NDUFA10: variants seen among roughly 807,000 people sequenced by gnomAD.
NDUFA10 encodes NADH dehydrogenase [ubiquinone] 1 alpha subcomplex subunit 10, mitochondrial.
Under a neutral mutation model 47.8 loss-of-function variants are expected in NDUFA10, and 40 were observed. The observed-to-expected ratio is 0.84, with a 90% CI of 0.65 to 1.09. The LOEUF is 1.09. Ranked by LOEUF, NDUFA10 falls within the 50% of genes least tolerant of loss-of-function variation. The pLI, the probability that NDUFA10 is intolerant of heterozygous loss-of-function variation, is 0.00. For synonymous variants in NDUFA10, 183 were observed against 172.2 expected (o/e 1.06, Z -0.49); for missense variants, 413 against 451.1 (o/e 0.92, Z 0.76).
intron 4 of NDUFA10, among the ~76,000 whole-genome samples, chr2:239,941,452 G>A (rs1252347538): frequency 6.6e-6 from 1 of 152,010 alleles, no homozygotes; most frequent in East Asian, 1.9e-4. Context: ...GTTCAAGGAC[G>A]TGGTGGCTCA....
intron 9 of NDUFA10, among the ~76,000 whole-genome samples, chr2:239,971,186 G>A (rs955150077): frequency 1.1e-4 from 16 of 152,216 alleles, no homozygotes; most frequent in African/African-American, 7.2e-5. Context: ...TTTGGTGAGT[G>A]AATGTGATTA....
chr2:239,898,324 G>C (rs1200949366), intron 4 of NDUFA10, among the ~76,000 whole-genome samples: 3 of 152,240 alleles, frequency 2.0e-5, no homozygotes, highest in African/African-American at 7.2e-5. Context: ...ACAGCACTCA[G>C]GAGGTGCTCA....
chr2:239,965,028 G>A (rs773461103), intron 9 of NDUFA10, among the ~76,000 whole-genome samples: 1 of 152,196 alleles, frequency 6.6e-6, no homozygotes, highest in Non-Finnish European at 1.5e-5. Flanking sequence ...CACAGGACCA[G>A]CCACGCAGGT....
intron 4 of NDUFA10, among the ~76,000 whole-genome samples, chr2:239,921,127 A>G (rs1417958796): frequency 6.6e-6 from 1 of 152,062 alleles, no homozygotes; most frequent in Non-Finnish European, 1.5e-5. Context: ...GCTCGAACCT[A>G]AGGAAACTTT....
At chr2:239,923,930 C>A (rs999640100) in intron 4 of NDUFA10, among the ~76,000 whole-genome samples, 1 of 152,056 alleles carries the variant, frequency 6.6e-6, no homozygotes, top group Non-Finnish European at 1.5e-5. Flanking sequence ...TTACTACAGA[C>A]CCTGCAGCCA....
In NDUFA10 at chr2:239,928,564, G is replaced by A. The variant is rs1476383441; in HGVS notation, c.295-33250C>T. 6.6e-6 allele frequency among the ~76,000 whole-genome samples: 1 copy of A among 152,164 alleles called. No individual in the cohort carries two copies. The highest frequency in any genetic ancestry group is 1.5e-5 in the Non-Finnish European group (1 of 68,040). On this transcript the variant is annotated intron_variant, in intron 4 of 5. Transcript: ENST00000419408. This position sits in a 1 kb window ranked among gnomAD's most constrained non-coding sequence, Gnocchi z 4.3. Reference sequence around the variant, plus strand: ...TGCAGTTCCTGTCTCCCACCCTGGAGCTGTGACAGCGACATCTCGTTTCCA... The same window carrying A: ...TGCAGTTCCTGTCTCCCACCCTGGAACTGTGACAGCGACATCTCGTTTCCA...
Position 239,942,236 on chromosome 2 carries a change from C to T in NDUFA10, c.295-46922G>A, listed in dbSNP as rs186056217. Among the ~76,000 whole-genome samples the T allele has an allele frequency of 3.3e-5, 5 of 152,384 alleles. No individual in the cohort carries two copies. In the East Asian group the frequency reaches 9.6e-4, roughly 29 times the overall value. On this transcript the variant is annotated intron_variant, in intron 4 of 5. Transcript: ENST00000419408. ...GTCTTCAGCCTTTCCTCTAGGGCAGCGGTGTTCACGCGGTAGTGTGCGCTG... is the reference window on the plus strand; with the variant it reads ...GTCTTCAGCCTTTCCTCTAGGGCAGTGGTGTTCACGCGGTAGTGTGCGCTG...
intron 4 of NDUFA10, chr2:240,017,832 C>A: frequency 1.9e-6 from 3 of 1,563,664 alleles, no homozygotes; most frequent in Non-Finnish European, 2.6e-6. Flanking sequence ...GCTTCGGCCT[C>A]CTCTTTCATT....
At chr2:239,923,824 G>T (rs974932678) in intron 4 of NDUFA10, among the ~76,000 whole-genome samples, 9 of 152,016 alleles carry the variant, frequency 5.9e-5, no homozygotes, top group Non-Finnish European at 1.2e-4. Context: ...TTGTTTCCAT[G>T]AAAATATCAA....
In NDUFA10 at chr2:239,911,746, C is replaced by A. The variant is rs539437126; in HGVS notation, c.295-16432G>T. ...CTCCCCTTCCCTCTCTTCCTTCCCC[C>A]AGCCCATCCCCCAGTCTCTCTCTTG... is the stretch of plus-strand genomic sequence containing the variant. On this transcript the variant is annotated intron_variant, in intron 4 of 5. Coordinates refer to the NDUFA10 transcript ENST00000419408. 1.5e-3 allele frequency among the ~76,000 whole-genome samples: 233 copies of A among 150,950 alleles called. 4 individuals carry two copies. The highest frequency in any genetic ancestry group is 5.1e-3 in the African/African-American group (208 of 41,134).
At chr2:239,939,023 G>A (rs10469798) in intron 4 of NDUFA10, among the ~76,000 whole-genome samples, 14,778 of 152,208 alleles carry the variant, frequency 0.097, 758 homozygotes, top group Admixed American at 0.13. Flanking sequence ...AGTGCTCGGC[G>A]GAAAGACGCT....
At chr2:239,904,717 A>G (rs1333181964) in intron 4 of NDUFA10, among the ~76,000 whole-genome samples, 1 of 152,224 alleles carries the variant, frequency 6.6e-6, no homozygotes, top group Non-Finnish European at 1.5e-5. Context: ...TGGGGCCACC[A>G]TAACACCTGG....
At chr2:239,933,924 C>T (rs1694220480) in intron 4 of NDUFA10, among the ~76,000 whole-genome samples, 1 of 152,190 alleles carries the variant, frequency 6.6e-6, no homozygotes, top group South Asian at 2.1e-4. Context: ...GTGACACGAT[C>T]ACAGCTCATT....
chr2:239,909,952 G>GAA (rs199519387), intron 4 of NDUFA10, among the ~76,000 whole-genome samples: 17 of 113,322 alleles, frequency 1.5e-4, no homozygotes, highest in African/African-American at 4.6e-4. Flanking sequence ...GCAAACATAT[G>GAA]AAAAAAAAAA....
intron 8 of NDUFA10, among the ~76,000 whole-genome samples, chr2:239,994,029 C>T (rs1308591560): frequency 2.6e-5 from 4 of 152,154 alleles, no homozygotes; most frequent in African/African-American, 9.7e-5. Context: ...GCTCTCGAGT[C>T]ATGGTCTCCT....
At position 239,935,741 on chromosome 2, in the gene NDUFA10, G is replaced by A. The variant is rs111679215; in HGVS notation, c.295-40427C>T. 8.0e-3 allele frequency among the ~76,000 whole-genome samples: 1,214 copies of A among 152,250 alleles called. 18 individuals are homozygous for A. The highest frequency in any genetic ancestry group is 0.027 in the African/African-American group (1,128 of 41,548). ...GGAGTAAGTCTCACAAGATCTGATG[G>A]TTTTATAGGGGAAACTCCTTTCTCT... is the stretch of plus-strand genomic sequence containing the variant. On this transcript the variant is annotated intron_variant, in intron 4 of 5. Coordinates refer to the NDUFA10 transcript ENST00000419408.
chr2:239,911,199 C>T (rs1184974481), intron 4 of NDUFA10, among the ~76,000 whole-genome samples: 1 of 152,230 alleles, frequency 6.6e-6, no homozygotes, highest in Non-Finnish European at 1.5e-5. Flanking sequence ...TCCCCGCCTC[C>T]CTGGAGGGAG....
In NDUFA10 at chr2:239,960,885, GGCCATTCCAAAACAAA is replaced by G; in HGVS notation, c.*217_*232del. 2 of 1,424,718 alleles carry G rather than the reference GGCCATTCCAAAACAAA, an allele frequency of 1.4e-6. No individual in the cohort carries two copies. Among genetic ancestry groups the G allele is most frequent in the South Asian group, 2.8e-5 (2 of 71,342 alleles). 88.3% of individuals were successfully genotyped at this position (1,424,718 alleles called of 1,614,324 possible). ...CCACTGTTTTCCAGTGAGAATGGTG[GGCCATTCCAAAACAAA>G]GCTAAAGGGTTCCAAACATCCAGAA... On this transcript the variant is annotated 3_prime_UTR_variant, in exon 10 of 10. Coordinates refer to ENST00000252711, the MANE Select transcript of NDUFA10 (RefSeq NM_004544.4).
In NDUFA10 at chr2:239,990,173, AT is replaced by A. The variant is rs772406797; in HGVS notation, c.899del (p.Asp300ValfsTer6). 6.2e-7 allele frequency: 1 copy of A among 1,611,798 alleles called. No homozygotes were observed. The highest frequency in any genetic ancestry group is 8.5e-7 in the Non-Finnish European group (1 of 1,178,052). ...TLYHLRLLVQ[D>X]KFEVLNYTSI... The stretch of plus-strand genomic sequence containing the variant: ...TTGTGTAATTCAGCACCTCAAACTT[AT>A]CCTGAACCCTAAAAAATAAGACACA... On this transcript the variant is annotated frameshift_variant, in exon 9 of 10. Transcript: ENST00000252711. LOFTEE classifies it high-confidence loss of function.
Sources: allele counts gnomAD v4.1 joint callset (sites outside exome capture counted in the v4.1 genomes callset), GRCh38; gene constraint gnomAD v4.1.1; non-coding constraint Gnocchi (gnomAD v3.1); transcripts MANE v1.5; gene names NCBI Gene and HGNC (gene_info 2026-07-23, HGNC 2026-07-21).